HSD17B2: variants seen among roughly 807,000 people sequenced by gnomAD.
HSD17B2 encodes 17-beta-hydroxysteroid dehydrogenase type 2.
HSD17B2 carries 32 observed loss-of-function variants against 26.9 expected under a neutral mutation model. The ratio of observed to expected loss-of-function variants is 1.19; its 90% CI spans 0.90 to 1.60. The LOEUF is 1.60. Among genes scored for constraint, HSD17B2 ranks in the 40% most tolerant of loss-of-function variants. The pLI, the probability that HSD17B2 is intolerant of heterozygous loss-of-function variation, is 0.00. For synonymous variants in HSD17B2, 246 were observed against 186.7 expected (o/e 1.32, Z -2.59); for missense variants, 613 against 468.6 (o/e 1.31, Z -2.85).
Position 82,075,272 on chromosome 16 carries a change from T to C in HSD17B2, c.664+4145T>C, listed in dbSNP as rs914505599. Among the ~76,000 whole-genome samples the C allele has an allele frequency of 3.3e-5, 5 of 152,088 alleles. No individual in the cohort carries two copies. The South Asian group carries it at 8.3e-4, about 25-fold the overall frequency. On this transcript the variant is annotated intron_variant, in intron 3 of 4. Transcript: ENST00000199936. ...GTAGAAACACTTCAAGTAAAAAACC[T>C]AGTGATGCATCTCAAAAAACTAGAA... is the stretch of plus-strand genomic sequence containing the variant.
intron 1 of HSD17B2, among the ~76,000 whole-genome samples, chr16:82,064,536 G>A (rs1914526020): frequency 6.6e-6 from 1 of 152,160 alleles, no homozygotes; most frequent in Non-Finnish European, 1.5e-5. Context: ...GAGCAGAATT[G>A]CTAGGTCGTC....
chr16:82,042,166 G>T (rs1913784786), intron 1 of HSD17B2, among the ~76,000 whole-genome samples: 1 of 151,978 alleles, frequency 6.6e-6, no homozygotes, highest in Non-Finnish European at 1.5e-5. Context: ...ACCATGCCTA[G>T]CCAATTTTTG....
chr16:82,046,551 C>T (rs1913934935), intron 1 of HSD17B2, among the ~76,000 whole-genome samples: 1 of 151,976 alleles, frequency 6.6e-6, no homozygotes, highest in African/African-American at 2.4e-5. Flanking sequence ...GGTAAAACCC[C>T]ATATCTACCA....
chr16:82,098,073 A>T lies in HSD17B2; in HGVS notation c.803-2A>T. The T allele has an allele frequency of 6.2e-7, 1 of 1,607,114 alleles. No homozygotes were observed. Among genetic ancestry groups the T allele is most frequent in the Non-Finnish European group, 8.5e-7 (1 of 1,175,844 alleles). On this transcript the variant is annotated splice_acceptor_variant, in intron 4 of 4. Coordinates refer to ENST00000199936, the MANE Select transcript of HSD17B2 (RefSeq NM_002153.3). LOFTEE classifies it high-confidence loss of function. ...TGACTCTTCCCTTTCCTTTCACCCC[A>T]GATATCGCAGGCACCAGTGACAAGT...
intron 3 of HSD17B2, among the ~76,000 whole-genome samples, chr16:82,078,450 T>C (rs1904315013): frequency 6.6e-6 from 1 of 152,200 alleles, no homozygotes; most frequent in Non-Finnish European, 1.5e-5. Context: ...TGTAAATTAG[T>C]ACAATTGCTA....
chr16:82,054,498 C>T (rs1476763723), intron 1 of HSD17B2, among the ~76,000 whole-genome samples: 1 of 152,126 alleles, frequency 6.6e-6, no homozygotes, highest in Non-Finnish European at 1.5e-5. Context: ...GTGTGTGCCA[C>T]CAGAGCTGGC....
At chr16:82,075,380 A>G (rs1463444357) in intron 3 of HSD17B2, among the ~76,000 whole-genome samples, 1 of 152,154 alleles carries the variant, frequency 6.6e-6, no homozygotes, top group Non-Finnish European at 1.5e-5. Flanking sequence ...ATTGAAAAGA[A>G]GAAGACAATA....
At chr16:82,066,278 C>G (rs1914570273) in intron 1 of HSD17B2, among the ~76,000 whole-genome samples, 1 of 152,114 alleles carries the variant, frequency 6.6e-6, no homozygotes, top group African/African-American at 2.4e-5. Context: ...TACATGGAGA[C>G]ATAAGAAGGA....
At chr16:82,077,509 G>C (rs558680099) in intron 3 of HSD17B2, among the ~76,000 whole-genome samples, 3 of 152,286 alleles carry the variant, frequency 2.0e-5, no homozygotes, top group African/African-American at 7.2e-5. Context: ...CAGGTGGATT[G>C]CTTGAGTCCA....
chr16:82,087,781 A>C (rs1360658298), intron 3 of HSD17B2, among the ~76,000 whole-genome samples: 2 of 152,022 alleles, frequency 1.3e-5, no homozygotes, highest in Non-Finnish European at 2.9e-5. Context: ...GCATCTTGTG[A>C]GGGTCTTCTT....
rs200882433 is a variant in HSD17B2 at position 82,084,566 on chromosome 16, A to AT, written c.665-6329dup. 6.8e-3 allele frequency among the ~76,000 whole-genome samples: 1,011 copies of AT among 147,766 alleles called. 12 individuals carry two copies. Among genetic ancestry groups the AT allele is most frequent in the South Asian group, 0.054 (246 of 4,598 alleles). ...TGTTCTTTTTATTATTATTTTTTTTATTTTTTTACCTAGAATTAGAGGAAG... is the reference window on the plus strand; with the variant it reads ...TGTTCTTTTTATTATTATTTTTTTTATTTTTTTTACCTAGAATTAGAGGAAG... On this transcript the variant is annotated intron_variant, in intron 3 of 4. Transcript: ENST00000199936.
At chr16:82,042,072 G>C (rs1030279281) in intron 1 of HSD17B2, among the ~76,000 whole-genome samples, 1 of 150,944 alleles carries the variant, frequency 6.6e-6, no homozygotes, top group Non-Finnish European at 1.5e-5. Context: ...GTGCGATCTT[G>C]GTTCACTGCA....
At chr16:82,061,937 T>A (rs928801002) in intron 1 of HSD17B2, among the ~76,000 whole-genome samples, 9 of 152,212 alleles carry the variant, frequency 5.9e-5, no homozygotes, top group Admixed American at 3.3e-4. Context: ...CTCAGTCCTG[T>A]ATTTACAGGG....
chr16:82,072,086 A>T (rs1914711190), intron 3 of HSD17B2: 1 of 152,184 alleles, frequency 6.6e-6, no homozygotes, highest in Admixed American at 6.5e-5. Flanking sequence ...CATTTCCTAG[A>T]CAAATATAGT....
At chr16:82,040,260 G>C (rs1013181974) in intron 1 of HSD17B2, among the ~76,000 whole-genome samples, 39 of 152,278 alleles carry the variant, frequency 2.6e-4, no homozygotes, top group African/African-American at 9.1e-4. Context: ...TGAATACCAT[G>C]GGTATCATCT....
At chr16:82,049,276 A>G (rs981483685) in intron 1 of HSD17B2, among the ~76,000 whole-genome samples, 7 of 152,374 alleles carry the variant, frequency 4.6e-5, no homozygotes, top group African/African-American at 1.7e-4. Context: ...TGTTGAGGCC[A>G]GGATGCCACT....
intron 3 of HSD17B2, among the ~76,000 whole-genome samples, chr16:82,089,658 C>A (rs1440076633): frequency 6.6e-6 from 1 of 152,200 alleles, no homozygotes; most frequent in African/African-American, 2.4e-5. Flanking sequence ...TGTGCTCCTT[C>A]TCGAGGCTCT....
At chr16:82,070,891 T>C (rs1194638890) in intron 2 of HSD17B2, 51 bp from the exon 3 acceptor site, 9 of 1,536,808 alleles carry the variant, frequency 5.9e-6, no homozygotes, top group Non-Finnish European at 8.0e-6. Flanking sequence ...GCAGGTTGTG[T>C]TATTCACTTC....
chr16:82,059,848 A>C (rs1914382579), intron 1 of HSD17B2, among the ~76,000 whole-genome samples: 1 of 152,162 alleles, frequency 6.6e-6, no homozygotes. Flanking sequence ...TCATCTTAAC[A>C]CAGGAATCAC....
Sources: gnomAD v4.1 joint callset for allele counts (sites outside exome capture counted in the v4.1 genomes callset) on GRCh38, gnomAD v4.1.1 for gene constraint, MANE v1.5 for transcripts, NCBI Gene and HGNC (gene_info 2026-07-23, HGNC 2026-07-21) for gene names.